MLIP: variants seen among roughly 807,000 people sequenced by gnomAD.
The protein encoded by MLIP is muscular LMNA interacting protein, also known as muscular LMNA-interacting protein.
Under a neutral mutation model 84.8 loss-of-function variants are expected in MLIP, and 79 were observed. The ratio of observed to expected loss-of-function variants is 0.93; its 90% CI spans 0.78 to 1.12. The LOEUF is 1.12. MLIP is among the 50% of genes most tolerant of loss of function. The pLI, the probability that MLIP is intolerant of heterozygous loss-of-function variation, is 0.00. For missense variants in MLIP, 1,257 were observed against 1,160.6 expected (o/e 1.08, Z -1.21); for synonymous variants, 504 against 463.0 (o/e 1.09, Z -1.14).
chr6:54,201,752 G>C (rs1352705710), intron 10 of MLIP, among the ~76,000 whole-genome samples: 1 of 152,100 alleles, frequency 6.6e-6, no homozygotes, highest in Non-Finnish European at 1.5e-5. Context: ...AGTCATCTAT[G>C]CTATCATGCC....
intron 12 of MLIP, among the ~76,000 whole-genome samples, chr6:54,246,605 T>G (rs1028178815): frequency 6.6e-6 from 1 of 152,134 alleles, no homozygotes; most frequent in Non-Finnish European, 1.5e-5. Context: ...TGAGATTATC[T>G]CGCTACATAA....
intron 1 of MLIP, among the ~76,000 whole-genome samples, chr6:54,084,885 G>T (rs1180451816): frequency 6.6e-6 from 1 of 152,112 alleles, no homozygotes; most frequent in Non-Finnish European, 1.5e-5. Context: ...TTTACTTTCT[G>T]TCTAAAAGTT....
At chr6:54,194,855 T>TA (rs1412262039) in intron 10 of MLIP, among the ~76,000 whole-genome samples, 1 of 151,814 alleles carries the variant, frequency 6.6e-6, no homozygotes, top group Non-Finnish European at 1.5e-5. Flanking sequence ...ATCTCTTTTG[T>TA]TTTTTCCAAT....
intron 5 of MLIP, among the ~76,000 whole-genome samples, chr6:54,150,415 A>C (rs1477658747): frequency 1.3e-5 from 2 of 152,108 alleles, no homozygotes; most frequent in African/African-American, 4.8e-5. Flanking sequence ...ATTGCCCCTT[A>C]TTCCACACTC....
At chr6:54,045,724 C>A (rs528929033) in intron 1 of MLIP, 2 of 152,426 alleles carry the variant, frequency 1.3e-5, no homozygotes, top group South Asian at 4.1e-4. Context: ...CCACTTTACG[C>A]TCTTCCTACT....
At chr6:54,180,954 C>G (rs1776795493) in intron 9 of MLIP, among the ~76,000 whole-genome samples, 1 of 152,106 alleles carries the variant, frequency 6.6e-6, no homozygotes, top group African/African-American at 2.4e-5. Context: ...GTAGTCTAGA[C>G]AGTCTGGGCT....
At chr6:54,211,065 C>G (rs1328684988) in intron 11 of MLIP, among the ~76,000 whole-genome samples, 1 of 151,800 alleles carries the variant, frequency 6.6e-6, no homozygotes, top group Non-Finnish European at 1.5e-5. Flanking sequence ...ATGGTGAAAC[C>G]CCATCTCTAC....
chr6:54,257,998 A>G (rs1327641357), intron 13 of MLIP, among the ~76,000 whole-genome samples: 1 of 152,158 alleles, frequency 6.6e-6, no homozygotes. Flanking sequence ...CTGTAAAGAA[A>G]TGTTCTCATT....
Position 54,111,455 on chromosome 6 carries a change from G to C in MLIP, c.-25G>C. ...CCCTTCCCACCTCAGTCATTGGTTT[G>C]CTCGCTCCCTTATGTGATGAATCAA... On this transcript the variant is annotated 5_prime_UTR_variant, in exon 1 of 14. Transcript: ENST00000502396. 2 of 1,535,666 alleles carry C rather than the reference G, an allele frequency of 1.3e-6. No individual in the cohort carries two copies. Among genetic ancestry groups the C allele is most frequent in the Non-Finnish European group, 1.7e-6 (2 of 1,146,676 alleles).
At chr6:54,063,537 T>C (rs1395936568) in intron 1 of MLIP, among the ~76,000 whole-genome samples, 1 of 152,244 alleles carries the variant, frequency 6.6e-6, no homozygotes, top group African/African-American at 2.4e-5. Context: ...TTCTTGCTTA[T>C]CCTTTAGGTG....
rs376576497 is a variant in MLIP at position 54,141,312 on chromosome 6, C to CTTTTTTTTTTTT, written c.2217+3028_2217+3039dup. Among the ~76,000 whole-genome samples, 25 of 128,418 alleles carry CTTTTTTTTTTTT rather than the reference C, an allele frequency of 1.9e-4. 2 individuals are homozygous for CTTTTTTTTTTTT. The highest frequency in any genetic ancestry group is 6.2e-4 in the African/African-American group (20 of 32,212). 84.2% of individuals were successfully genotyped at this position (128,418 alleles called of 152,430 possible). On this transcript the variant is annotated intron_variant, in intron 4 of 13. Coordinates refer to ENST00000502396, the MANE Select transcript of MLIP (RefSeq NM_001281747.2). ...GGCATCTGAATGCTGCTCAGCCTGC[C>CTTTTTTTTTTTT]TTTTTTTTTTTTTGAGACACGTCCC...
intron 10 of MLIP, among the ~76,000 whole-genome samples, chr6:54,195,564 T>C (rs932697072): frequency 3.9e-5 from 6 of 152,112 alleles, no homozygotes; most frequent in Admixed American, 3.3e-4. Context: ...CTTGCTGTCA[T>C]AGAATTATAA....
intron 12 of MLIP, among the ~76,000 whole-genome samples, chr6:54,248,734 AT>A (rs764170159): frequency 2.0e-4 from 31 of 152,082 alleles, no homozygotes; most frequent in Non-Finnish European, 3.7e-4. Context: ...TTTCCGTCAT[AT>A]TTCAGATCTA....
At chr6:54,122,911 T>C (rs1770577420) in intron 2 of MLIP, among the ~76,000 whole-genome samples, 1 of 152,048 alleles carries the variant, frequency 6.6e-6, no homozygotes, top group South Asian at 2.1e-4. Context: ...ATTAAAATAG[T>C]GTAATTCCTC....
intron 11 of MLIP, chr6:54,217,202 G>A: frequency 1.0e-6 from 1 of 985,374 alleles, no homozygotes. Context: ...AGCGTGAAGA[G>A]GGGACAGCAT....
At chr6:54,247,383 A>G (rs566349708) in intron 12 of MLIP, among the ~76,000 whole-genome samples, 80 of 152,234 alleles carry the variant, frequency 5.3e-4, no homozygotes, top group East Asian at 1.2e-3. Context: ...ACATAGCTGG[A>G]AGTAAAAGAA....
chr6:54,094,069 G>T (rs1768044494), intron 1 of MLIP, among the ~76,000 whole-genome samples: 1 of 152,086 alleles, frequency 6.6e-6, no homozygotes. Flanking sequence ...TGTTGGTAAT[G>T]ATAGAAATAA....
At chr6:54,074,962 T>A (rs928812702) in intron 1 of MLIP, among the ~76,000 whole-genome samples, 3 of 151,994 alleles carry the variant, frequency 2.0e-5, no homozygotes, top group Admixed American at 6.6e-5. Flanking sequence ...AGAAAAAAAA[T>A]TCCTGGCCAG....
intron 1 of MLIP, among the ~76,000 whole-genome samples, chr6:54,042,513 T>A (rs1303582667): frequency 6.6e-6 from 1 of 152,158 alleles, no homozygotes; most frequent in African/African-American, 2.4e-5. Flanking sequence ...CATGATTCTA[T>A]CACAACAGAA....
Sources: allele counts gnomAD v4.1 joint callset (sites outside exome capture counted in the v4.1 genomes callset), GRCh38; gene constraint gnomAD v4.1.1; transcripts MANE v1.5; gene names NCBI Gene and HGNC (gene_info 2026-07-23, HGNC 2026-07-21).